The following ADGRB3 variants were observed in gnomAD, a reference collection of about 807,000 sequenced individuals.
The protein encoded by ADGRB3 is adhesion G protein-coupled receptor B3, also known as brain-specific angiogenesis inhibitor 3.
ADGRB3 carries 37 observed loss-of-function variants against 193.4 expected under a neutral mutation model. That is an observed-to-expected ratio of 0.19 (90% CI 0.15 to 0.25). The LOEUF is 0.25. Ranked by LOEUF, ADGRB3 falls within the 10% of genes least tolerant of loss-of-function variation. The pLI is 1.00. For synonymous variants in ADGRB3, 690 were observed against 644.2 expected (o/e 1.07, Z -1.08); for missense variants, 1,637 against 1,852.9 (o/e 0.88, Z 2.14).
intron 17 of ADGRB3, among the ~76,000 whole-genome samples, chr6:69,204,343 A>G (rs1482065126): frequency 6.6e-6 from 1 of 152,192 alleles, no homozygotes; most frequent in Non-Finnish European, 1.5e-5. Flanking sequence ...AAACATTAAA[A>G]AGCCCAAAGT....
At chr6:68,741,429 G>A (rs1030569229) in intron 3 of ADGRB3, among the ~76,000 whole-genome samples, 3 of 152,008 alleles carry the variant, frequency 2.0e-5, no homozygotes, top group African/African-American at 7.3e-5. Context: ...CCAGGCTGGA[G>A]TGCAGTGCTG....
intron 13 of ADGRB3, among the ~76,000 whole-genome samples, chr6:69,030,336 T>A (rs1293219956): frequency 1.3e-5 from 2 of 152,132 alleles, no homozygotes; most frequent in Non-Finnish European, 2.9e-5. Context: ...GCAGCACTAT[T>A]CACAATAGCA....
At position 68,662,967 on chromosome 6, in the gene ADGRB3, A is replaced by C. The variant is rs548996159; in HGVS notation, c.757+23535A>C. On this transcript the variant is annotated intron_variant, in intron 3 of 31. Coordinates refer to ENST00000370598, the MANE Select transcript of ADGRB3 (RefSeq NM_001704.3). ...TAAGTTTTTTTCTGATATTATATAA[A>C]CTTTTTGGTTAAATAGATAATAACT... Among the ~76,000 whole-genome samples the C allele has an allele frequency of 1.2e-3, 186 of 151,064 alleles. 1 individual carries two copies. Among genetic ancestry groups the C allele is most frequent in the African/African-American group, 4.3e-3 (179 of 41,384 alleles).
rs189144444 is a variant in ADGRB3 at position 68,854,504 on chromosome 6, C to T, written c.758-76055C>T. ...TCATGTAATACACAATAAATAGATG[C>T]GATTGTATATATAAATTTTAAAAAT... is the stretch of plus-strand genomic sequence containing the variant. On this transcript the variant is annotated intron_variant, in intron 3 of 31. Coordinates refer to ENST00000370598, the MANE Select transcript of ADGRB3 (RefSeq NM_001704.3). 1.5e-3 allele frequency among the ~76,000 whole-genome samples: 228 copies of T among 151,874 alleles called. No homozygotes were observed. The Middle Eastern group carries it at 0.027, about 18-fold the overall frequency.
rs1766954514 is a variant in ADGRB3 at position 68,919,004 on chromosome 6, A to G, written c.758-11555A>G. Among the ~76,000 whole-genome samples the G allele has an allele frequency of 6.0e-5, 9 of 151,156 alleles. No homozygotes were observed. In the South Asian group the frequency reaches 1.9e-3, roughly 32 times the overall value. On this transcript the variant is annotated intron_variant, in intron 3 of 31. Transcript: ENST00000370598. Reference sequence around the variant, plus strand: ...TTTCCTCTGGTCTCATTTTCCCACCATTTTTCTGGACATGTCTTTTTTTAT... The same window carrying G: ...TTTCCTCTGGTCTCATTTTCCCACCGTTTTTCTGGACATGTCTTTTTTTAT...
chr6:68,724,679 G>T lies in ADGRB3; in HGVS notation c.757+85247G>T, dbSNP rs553269437. On this transcript the variant is annotated intron_variant, in intron 3 of 31. Coordinates refer to ENST00000370598, the MANE Select transcript of ADGRB3 (RefSeq NM_001704.3). ...AAAACCCATATTTTTTTTTTTTTTG[G>T]TAAAAACTCACTTTTCCTGAAGATT... Among the ~76,000 whole-genome samples the T allele has an allele frequency of 3.9e-3, 558 of 142,224 alleles. 2 individuals are homozygous for T. Among genetic ancestry groups the T allele is most frequent in the Non-Finnish European group, 5.6e-3 (367 of 65,296 alleles). The allele number at this position is 142,224 out of a possible 152,430, so 93.3% of individuals were successfully genotyped here.
chr6:68,771,013 G>A (rs185529165), intron 3 of ADGRB3, among the ~76,000 whole-genome samples: 29 of 152,186 alleles, frequency 1.9e-4, no homozygotes, highest in African/African-American at 6.5e-4. Context: ...CTGGCACATG[G>A]CTGGCTGTTG....
At chr6:68,688,013 T>C (rs1435751590) in intron 3 of ADGRB3, among the ~76,000 whole-genome samples, 1 of 152,164 alleles carries the variant, frequency 6.6e-6, no homozygotes, top group African/African-American at 2.4e-5. Context: ...AATATAATGT[T>C]ATCTCTATGT....
chr6:68,740,573 A>G (rs931154813), intron 3 of ADGRB3, among the ~76,000 whole-genome samples: 3 of 152,150 alleles, frequency 2.0e-5, no homozygotes, highest in Non-Finnish European at 4.4e-5. Context: ...AAAAAATTCC[A>G]ATTTGGCTAC....
In ADGRB3 at chr6:69,129,295, C is replaced by G. The variant is rs1773939324; in HGVS notation, c.2480+53257C>G. Among the ~76,000 whole-genome samples the G allele has an allele frequency of 5.3e-5, 8 of 151,964 alleles. No individual in the cohort carries two copies. In the South Asian group the frequency reaches 1.7e-3, roughly 32 times the overall value. ...TATGTGCATGGAATTAAATTAATGC[C>G]TATGGAATGCACTGGAGCTTTTTAA... is the stretch of plus-strand genomic sequence containing the variant. On this transcript the variant is annotated intron_variant, in intron 17 of 31. Coordinates refer to ENST00000370598, the MANE Select transcript of ADGRB3 (RefSeq NM_001704.3).
At chr6:68,740,524 T>TA (rs1450793955) in intron 3 of ADGRB3, among the ~76,000 whole-genome samples, 1 of 152,192 alleles carries the variant, frequency 6.6e-6, no homozygotes, top group Admixed American at 6.5e-5. Flanking sequence ...GAGAATATGG[T>TA]AGAAGGGTAG....
At chr6:68,982,365 T>G (rs1768942434) in intron 10 of ADGRB3, among the ~76,000 whole-genome samples, 1 of 152,220 alleles carries the variant, frequency 6.6e-6, no homozygotes, top group African/African-American at 2.4e-5. Flanking sequence ...GAGTTGATAC[T>G]TTAATTCATT....
At chr6:69,148,386 AACAT>A (rs1774567819) in intron 17 of ADGRB3, among the ~76,000 whole-genome samples, 1 of 152,152 alleles carries the variant, frequency 6.6e-6, no homozygotes, top group Non-Finnish European at 1.5e-5. Flanking sequence ...TGACTGCATA[AACAT>A]ACAAACTAAC....
At chr6:69,267,129 T>G (rs567206716) in intron 20 of ADGRB3, among the ~76,000 whole-genome samples, 1 of 152,180 alleles carries the variant, frequency 6.6e-6, no homozygotes, top group South Asian at 2.1e-4. Context: ...TTTTTTAAAT[T>G]TTTTTGTTTT....
intron 3 of ADGRB3, among the ~76,000 whole-genome samples, chr6:68,669,910 C>T (rs1265018145): frequency 6.6e-6 from 1 of 151,876 alleles, no homozygotes; most frequent in East Asian, 1.9e-4. Context: ...CTTCCATTTC[C>T]TCCACATCCT....
chr6:68,866,681 G>A (rs903042770), intron 3 of ADGRB3, among the ~76,000 whole-genome samples: 6 of 152,138 alleles, frequency 3.9e-5, no homozygotes, highest in African/African-American at 1.4e-4. Context: ...TGCTAATAAT[G>A]GTATGGACAA....
At chr6:69,292,534 C>T (rs546706882) in intron 20 of ADGRB3, among the ~76,000 whole-genome samples, 72 of 152,032 alleles carry the variant, frequency 4.7e-4, no homozygotes, top group Non-Finnish European at 8.4e-4. Context: ...CTTGTCTGTC[C>T]ATTCTTACTT....
intron 6 of ADGRB3, among the ~76,000 whole-genome samples, chr6:68,950,469 A>C (rs1211221097): frequency 6.6e-6 from 1 of 152,152 alleles, no homozygotes; most frequent in Non-Finnish European, 1.5e-5. Context: ...TTGAGAAGTA[A>C]ATTTTTAAAC....
At chr6:68,895,760 A>C (rs1008337479) in intron 3 of ADGRB3, among the ~76,000 whole-genome samples, 5 of 151,996 alleles carry the variant, frequency 3.3e-5, no homozygotes, top group African/African-American at 1.2e-4. Context: ...CTAGGAATGG[A>C]AACTGGGAAT....
Sources: allele counts gnomAD v4.1 joint callset (sites outside exome capture counted in the v4.1 genomes callset), GRCh38; gene constraint gnomAD v4.1.1; transcripts MANE v1.5; gene names NCBI Gene and HGNC (gene_info 2026-07-23, HGNC 2026-07-21).